PPP2R1A: variants seen among roughly 807,000 people sequenced by gnomAD.
PPP2R1A encodes serine/threonine-protein phosphatase 2A 65 kDa regulatory subunit A alpha isoform.
A neutral mutation model predicts 67.1 loss-of-function variants in PPP2R1A; 15 were observed. That is an observed-to-expected ratio of 0.22 (90% CI 0.15 to 0.34). The LOEUF is 0.34. Ranked by LOEUF, PPP2R1A falls within the 10% of genes least tolerant of loss-of-function variation. The pLI, the probability that PPP2R1A is intolerant of heterozygous loss-of-function variation, is 1.00. For missense variants in PPP2R1A, 369 were observed against 775.0 expected (o/e 0.48, Z 6.22); for synonymous variants, 337 against 325.0 (o/e 1.04, Z -0.40).
At position 52,225,953 on chromosome 19, in the gene PPP2R1A, C is replaced by CTGTT; in HGVS notation, c.1754-10_1754-7dup. 1.2e-6 allele frequency: 2 copies of CTGTT among 1,614,234 alleles called. No homozygotes were observed. The highest frequency in any genetic ancestry group is 1.7e-6 in the Non-Finnish European group (2 of 1,180,052). ...CTCTGGTTCTGATTCTTGCCTGTTC[C>CTGTT]TGTTTTCCTAGTTCTGTCTCTCGCC... On this transcript the variant is annotated splice_polypyrimidine_tract_variant and intron_variant, in intron 14 of 14. Coordinates refer to ENST00000322088, the MANE Select transcript of PPP2R1A (RefSeq NM_014225.6).
At chr19:52,196,196 A>G (rs989040572) in intron 1 of PPP2R1A, among the ~76,000 whole-genome samples, 10 of 152,170 alleles carry the variant, frequency 6.6e-5, no homozygotes, top group African/African-American at 2.4e-4. Flanking sequence ...GTGCACAGGG[A>G]ATTCTCAGGA....
At chr19:52,207,582 C>T (rs2089617402) in intron 3 of PPP2R1A, among the ~76,000 whole-genome samples, 1 of 152,194 alleles carries the variant, frequency 6.6e-6, no homozygotes, top group African/African-American at 2.4e-5. Context: ...AGCCAGCAGA[C>T]ACATCCTGGG....
Position 52,221,065 on chromosome 19 carries a change from C to T in PPP2R1A, c.1450C>T (p.Pro484Ser). Residue 484 changes from proline (P) to serine (S), a missense_variant, in exon 12 of 15, where the codon CCC (proline) becomes TCC (serine). Around this residue, in one of 2 missense-constraint regions of PPP2R1A, gnomAD observed 276 missense variants for 508.4 expected, o/e 0.54. Transcript: ENST00000322088. ...GKEWAHATII[P>S]KVLAMSGDPN... ...GGAGTGGGCCCATGCCACAATCATC[C>T]CCAAGGTCTTGGCCATGTCCGGAGA... 1 of 1,614,234 alleles carries T rather than the reference C, an allele frequency of 6.2e-7. No homozygotes were observed. Among genetic ancestry groups the T allele is most frequent in the Non-Finnish European group, 8.5e-7 (1 of 1,180,034 alleles).
chr19:52,192,852 A>C (rs1387046860), intron 1 of PPP2R1A, among the ~76,000 whole-genome samples: 1 of 152,078 alleles, frequency 6.6e-6, no homozygotes, highest in Non-Finnish European at 1.5e-5. Context: ...CTCCCTAGGC[A>C]TTCCACCCCC....
At chr19:52,201,614 TGTGTATAGGAGAAA>T (rs1437435210) in intron 1 of PPP2R1A, 1 of 285,638 alleles carries the variant, frequency 3.5e-6, no homozygotes, top group Non-Finnish European at 7.1e-6. Context: ...TACATGATAC[TGTGTATAGGAGAAA>T]GTGATGAAGA....
chr19:52,217,654 T>C (rs1978659833), intron 9 of PPP2R1A, among the ~76,000 whole-genome samples: 4 of 152,164 alleles, frequency 2.6e-5, no homozygotes, highest in African/African-American at 4.8e-5. Context: ...GACCCCAGAA[T>C]ACATTCTGGC....
At chr19:52,200,770 C>G (rs571134548) in intron 1 of PPP2R1A, among the ~76,000 whole-genome samples, 17 of 152,222 alleles carry the variant, frequency 1.1e-4, no homozygotes, top group Admixed American at 4.6e-4. Flanking sequence ...GTGGATGCAT[C>G]TCCTGGTCTC....
At chr19:52,223,759 T>A (rs1979086514) in intron 13 of PPP2R1A, among the ~76,000 whole-genome samples, 1 of 152,126 alleles carries the variant, frequency 6.6e-6, no homozygotes, top group Non-Finnish European at 1.5e-5. Context: ...CCATTGCACG[T>A]GGGGCTGTAC....
chr19:52,190,401 G>A (rs777986223), intron 1 of PPP2R1A: 35 of 595,132 alleles, frequency 5.9e-5, no homozygotes, highest in Non-Finnish European at 9.6e-5. Context: ...AGGGTCCCGG[G>A]CCTGCCCTGT....
At chr19:52,218,287 C>G (rs111644064) in intron 9 of PPP2R1A, among the ~76,000 whole-genome samples, 21 of 152,252 alleles carry the variant, frequency 1.4e-4, no homozygotes, top group African/African-American at 4.8e-4. Context: ...GGAGGAAATA[C>G]TGTAACAGAA....
intron 13 of PPP2R1A, among the ~76,000 whole-genome samples, chr19:52,222,897 C>T (rs1979026138): frequency 6.6e-6 from 1 of 152,174 alleles, no homozygotes; most frequent in Non-Finnish European, 1.5e-5. Flanking sequence ...AGCAGACCTA[C>T]ATAATATTCA....
chr19:52,203,746 T>C (rs1197788272), intron 2 of PPP2R1A, among the ~76,000 whole-genome samples: 2 of 152,148 alleles, frequency 1.3e-5, no homozygotes. Flanking sequence ...GATAGCTCAG[T>C]CCCCAGGACT....
In PPP2R1A at chr19:52,211,061, T is replaced by G. The variant is rs1239398648; in HGVS notation, c.271-199T>G. On this transcript the variant is annotated intron_variant, in intron 3 of 14. Transcript: ENST00000322088. This position sits in a 1 kb window ranked among gnomAD's most constrained non-coding sequence, Gnocchi z 5.3. ...GGAAGGCACGCTGACAGAGACCTTC[T>G]GCTGGCTGGCATAATATTACGTTTT... Among the ~76,000 whole-genome samples, 1 of 152,272 alleles carries G rather than the reference T, an allele frequency of 6.6e-6. No individual in the cohort carries two copies. Among genetic ancestry groups the G allele is most frequent in the Non-Finnish European group, 1.5e-5 (1 of 68,044 alleles).
In PPP2R1A at chr19:52,216,406, C is replaced by T. The variant is rs1978574810; in HGVS notation, c.994-123C>T. 7.7e-7 allele frequency: 1 copy of T among 1,299,906 alleles called. No individual in the cohort carries two copies. 80.5% of individuals were successfully genotyped at this position (1,299,906 alleles called of 1,614,324 possible). On this transcript the variant is annotated intron_variant, in intron 8 of 14. Transcript: ENST00000322088. This position sits in a 1 kb window ranked among gnomAD's most constrained non-coding sequence, Gnocchi z 4.3. The stretch of plus-strand genomic sequence containing the variant: ...TGATTTCCCCTGTACCCTAAGCCAT[C>T]CCCTGCTCTATGAATGAGAGGGGCA...
intron 13 of PPP2R1A, 43 bp downstream of exon 13, chr19:52,222,284 G>A (rs1978985822): frequency 1.3e-6 from 2 of 1,593,122 alleles, no homozygotes; most frequent in Non-Finnish European, 1.7e-6. Flanking sequence ...GGGGCTTCTT[G>A]TGGGCACCTT....
chr19:52,212,027 T>G lies in PPP2R1A; in HGVS notation c.503+535T>G, dbSNP rs1049825135. ...CCCCACCGCCTTTGATCGAAGCAAT[T>G]GCTGCTGAAAAATAAAGCCTTTCTG... On this transcript the variant is annotated intron_variant, in intron 4 of 14. Coordinates refer to ENST00000322088, the MANE Select transcript of PPP2R1A (RefSeq NM_014225.6). This position sits in a 1 kb window ranked among gnomAD's most constrained non-coding sequence, Gnocchi z 4.1. 2.0e-5 allele frequency among the ~76,000 whole-genome samples: 3 copies of G among 152,238 alleles called. No individual in the cohort carries two copies. The highest frequency in any genetic ancestry group is 4.4e-5 in the Non-Finnish European group (3 of 68,042).
chr19:52,208,064 C>G (rs1383574783), intron 3 of PPP2R1A, among the ~76,000 whole-genome samples: 1 of 152,276 alleles, frequency 6.6e-6, no homozygotes, highest in East Asian at 1.9e-4. Context: ...CTATGGAAAC[C>G]CAGAGATGTG....
intron 9 of PPP2R1A, among the ~76,000 whole-genome samples, chr19:52,218,931 A>T (rs1178771404): frequency 6.6e-6 from 1 of 152,226 alleles, no homozygotes; most frequent in Non-Finnish European, 1.5e-5. Flanking sequence ...TCTTGGTGTG[A>T]GGAATTCATC....
chr19:52,208,116 G>T (rs993616647), intron 3 of PPP2R1A, among the ~76,000 whole-genome samples: 6 of 152,300 alleles, frequency 3.9e-5, no homozygotes, highest in African/African-American at 1.4e-4. Context: ...GTGGTGAAAT[G>T]GAATTAATTA....
Sources: gnomAD v4.1 joint callset for allele counts (sites outside exome capture counted in the v4.1 genomes callset) on GRCh38, gnomAD v4.1.1 for gene constraint, gnomAD v4.1.1 regional missense constraint, Gnocchi (gnomAD v3.1) non-coding constraint, MANE v1.5 for transcripts, NCBI Gene and HGNC (gene_info 2026-07-23, HGNC 2026-07-21) for gene names.